KHDC1: variants seen among roughly 807,000 people sequenced by gnomAD.
KHDC1 encodes KH homology domain-containing protein 1.
Under a neutral mutation model 24.7 loss-of-function variants are expected in KHDC1, and 21 were observed. The ratio of observed to expected loss-of-function variants is 0.85; its 90% CI spans 0.60 to 1.23. The LOEUF (loss-of-function observed/expected upper bound fraction) is 1.23, where lower values mean the gene tolerates loss of function less well. KHDC1 is among the 50% of genes most tolerant of loss of function. The pLI, the probability that KHDC1 is intolerant of heterozygous loss-of-function variation, is 0.00. For missense variants in KHDC1, 274 were observed against 298.5 expected, an observed-to-expected ratio of 0.92 and a Z score of 0.61; for synonymous variants, 98 against 111.7, an observed-to-expected ratio of 0.88 and a Z score of 0.77.
In KHDC1 at chr6:73,242,618, G is replaced by A. The variant is rs1582548034; in HGVS notation, c.207-88C>T. On this transcript the variant is annotated intron_variant, in intron 2 of 4. Transcript: ENST00000370384. The stretch of plus-strand genomic sequence containing the variant: ...GGGCCTAGGCTCTGTCCTTAACATA[G>A]GAACCCAACAACCTGCCCCTTGAAC... 1.9e-6 allele frequency: 3 copies of A among 1,552,872 alleles called. No individual in the cohort carries two copies. The East Asian group carries it at 6.9e-5, about 36-fold the overall frequency.
chr6:73,291,333 C>A, intron 2 of KHDC1: 1 of 206,616 alleles, frequency 4.8e-6, no homozygotes. Flanking sequence ...CAACAGTTTC[C>A]AAGAAAACAC....
intron 2 of KHDC1, among the ~76,000 whole-genome samples, chr6:73,271,828 G>T (rs1419252266): frequency 6.6e-6 from 1 of 151,676 alleles, no homozygotes; most frequent in African/African-American, 2.4e-5. Flanking sequence ...CTGGGAGGCA[G>T]ATGTTGCAGT....
At chr6:73,251,774 C>CT (rs932005761) in intron 2 of KHDC1, among the ~76,000 whole-genome samples, 2 of 149,674 alleles carry the variant, frequency 1.3e-5, no homozygotes, top group South Asian at 4.3e-4. Flanking sequence ...TTAAAAAATT[C>CT]TTTTTTTTCC....
chr6:73,262,145 G>T (rs949765225), intron 2 of KHDC1, among the ~76,000 whole-genome samples: 1 of 151,988 alleles, frequency 6.6e-6, no homozygotes, highest in African/African-American at 2.4e-5. Flanking sequence ...GCCACTTACG[G>T]TGTAACCTTG....
intron 2 of KHDC1, among the ~76,000 whole-genome samples, chr6:73,288,943 T>G (rs1239134428): frequency 1.3e-5 from 2 of 151,966 alleles, no homozygotes; most frequent in African/African-American, 4.8e-5. Flanking sequence ...CTAAATAGAT[T>G]AAAATATCCA....
intron 1 of KHDC1, chr6:73,300,638 TTGAA>T (rs1767856603): frequency 6.6e-6 from 1 of 152,132 alleles, no homozygotes; most frequent in Non-Finnish European, 1.5e-5. Context: ...TAAATATTTG[TTGAA>T]TGAAAGACTA....
At chr6:73,264,652 C>G (rs1324611246) in intron 2 of KHDC1, among the ~76,000 whole-genome samples, 4 of 152,084 alleles carry the variant, frequency 2.6e-5, no homozygotes, top group African/African-American at 4.8e-5. Context: ...CAAGCCTGGG[C>G]CAGAGGCACA....
rs553161975 is a variant in KHDC1 at position 73,273,233 on chromosome 6, TCTCGG to T, written c.206+18760_206+18764del. Reference sequence around the variant, plus strand: ...CCCAGGCTGGAGTGCAATGGCGTGATCTCGGCTCACTGCAACCTTCGCCTCCTGGG... The same window carrying T: ...CCCAGGCTGGAGTGCAATGGCGTGATCTCACTGCAACCTTCGCCTCCTGGG... On this transcript the variant is annotated intron_variant, in intron 2 of 4. Transcript: ENST00000370384. Among the ~76,000 whole-genome samples the T allele has an allele frequency of 1.4e-4, 21 of 151,404 alleles. No homozygotes were observed. The South Asian group carries it at 4.4e-3, about 32-fold the overall frequency.
intron 2 of KHDC1, among the ~76,000 whole-genome samples, chr6:73,252,288 CCCTCG>C (rs1202753060): frequency 8.5e-5 from 13 of 152,080 alleles, no homozygotes; most frequent in African/African-American, 3.1e-4. Context: ...AAGCAATCTG[CCCTCG>C]TCGACCTCCC....
chr6:73,266,709 T>C (rs1767082510), intron 2 of KHDC1, among the ~76,000 whole-genome samples: 1 of 152,180 alleles, frequency 6.6e-6, no homozygotes, highest in South Asian at 2.1e-4. Context: ...CAATGATTTC[T>C]CAGATATGAC....
intron 2 of KHDC1, among the ~76,000 whole-genome samples, chr6:73,281,617 CAAAAA>C (rs58163019): frequency 0.12 from 11,354 of 93,778 alleles, 472 homozygotes; most frequent in Non-Finnish European, 0.16. Flanking sequence ...AACTTCGTCT[CAAAAA>C]AAAAAAAAAA....
At chr6:73,309,711 G>C (rs1229798693) in exon 1 of KHDC1, 2 of 1,550,052 alleles carry the variant, frequency 1.3e-6, no homozygotes, top group Non-Finnish European at 1.7e-6. Flanking sequence ...AAGGCCGACA[G>C]CATTTCGCGT....
At chr6:73,306,061 A>C (rs1452674603) in intron 1 of KHDC1, among the ~76,000 whole-genome samples, 2 of 152,204 alleles carry the variant, frequency 1.3e-5, no homozygotes, top group Non-Finnish European at 2.9e-5. Context: ...TTTATTGCGG[A>C]AATGTTAATT....
intron 2 of KHDC1, among the ~76,000 whole-genome samples, chr6:73,264,061 T>C (rs1767036233): frequency 6.6e-6 from 1 of 152,068 alleles, no homozygotes; most frequent in Non-Finnish European, 1.5e-5. Context: ...CAGCTGGGCA[T>C]GGTGGTGCAC....
At chr6:73,272,855 T>TG (rs1767205888) in intron 2 of KHDC1, among the ~76,000 whole-genome samples, 1 of 144,862 alleles carries the variant, frequency 6.9e-6, no homozygotes, top group Non-Finnish European at 1.5e-5. Context: ...TCTTTTCTTT[T>TG]CTTTTTCTTT....
intron 1 of KHDC1, among the ~76,000 whole-genome samples, chr6:73,309,396 C>A (rs1365224492): frequency 6.6e-6 from 1 of 152,182 alleles, no homozygotes; most frequent in Non-Finnish European, 1.5e-5. Flanking sequence ...AGGAGGCACA[C>A]CCAGGGTTTT....
chr6:73,262,069 G>C (rs1228340010), intron 2 of KHDC1, among the ~76,000 whole-genome samples: 1 of 151,778 alleles, frequency 6.6e-6, no homozygotes, highest in African/African-American at 2.4e-5. Flanking sequence ...GCAGGAAAGA[G>C]GCCCTTCTCA....
chr6:73,288,350 G>A (rs1398807198), intron 2 of KHDC1, among the ~76,000 whole-genome samples: 1 of 152,218 alleles, frequency 6.6e-6, no homozygotes, highest in Non-Finnish European at 1.5e-5. Flanking sequence ...GCCGGGCACG[G>A]TGGTTCACGC....
intron 2 of KHDC1, among the ~76,000 whole-genome samples, chr6:73,279,434 A>T (rs1252929529): frequency 6.6e-6 from 1 of 152,096 alleles, no homozygotes; most frequent in African/African-American, 2.4e-5. Context: ...CAAGTCAACT[A>T]TATGGACATT....
Sources: allele counts gnomAD v4.1 joint callset (sites outside exome capture counted in the v4.1 genomes callset), GRCh38; gene constraint gnomAD v4.1.1; transcripts MANE v1.5; gene names NCBI Gene and HGNC (gene_info 2026-07-23, HGNC 2026-07-21).